DAB1: variants seen among roughly 807,000 people sequenced by gnomAD.
DAB1 encodes disabled homolog 1.
In DAB1, 15 loss-of-function variants were observed where a neutral mutation model predicts 64.6. The observed-to-expected ratio is 0.23, with a 90% CI of 0.16 to 0.36. DAB1 has a LOEUF of 0.36. Ranked by LOEUF, DAB1 falls within the 10% of genes least tolerant of loss-of-function variation. DAB1 has a pLI of 1.00. For synonymous variants in DAB1, 235 were observed against 251.9 expected (o/e 0.93, Z 0.64); for missense variants, 596 against 706.7 (o/e 0.84, Z 1.78).
rs1557427845 is a variant in DAB1, at chr1:57,695,381, A to AAAAGAAAG, written n.552-45717_552-45716insCTTTCTTT. ...AGAAAGAAGAAAGAAAGAAAGAAAG[A>AAAAGAAAG]AAGAAAGAAAGAAAGAAAGAAAGAA... On this transcript the variant is annotated intron_variant and non_coding_transcript_variant, in intron 6 of 20. Transcript: ENST00000485760. Among the ~76,000 whole-genome samples the AAAAGAAAG allele has an allele frequency of 5.5e-4, 43 of 77,508 alleles. 1 individual carries two copies. The highest frequency in any genetic ancestry group is 1.6e-3 in the South Asian group (3 of 1,888). 50.8% of individuals were successfully genotyped at this position (77,508 alleles called of 152,430 possible). A position where few individuals can be genotyped will look rare whatever the true frequency, so the allele number is the denominator to read the frequency against.
chr1:58,195,517 A>T (rs1441748907), intron 4 of DAB1, among the ~76,000 whole-genome samples: 4 of 152,260 alleles, frequency 2.6e-5, no homozygotes, highest in Non-Finnish European at 4.4e-5. Context: ...ACAGACACAC[A>T]GGATAAAGGA....
chr1:57,290,686 C>T (rs938289987), intron 2 of DAB1, among the ~76,000 whole-genome samples: 1 of 152,056 alleles, frequency 6.6e-6, no homozygotes, highest in Non-Finnish European at 1.5e-5. Context: ...ATACGAAACA[C>T]ACAAAATTAC....
At chr1:57,712,559 G>T (rs1223783125) in intron 6 of DAB1, among the ~76,000 whole-genome samples, 1 of 152,112 alleles carries the variant, frequency 6.6e-6, no homozygotes, top group Non-Finnish European at 1.5e-5. Flanking sequence ...AGGATTCAAG[G>T]TTATCTTAAA....
Position 57,166,299 on chromosome 1 carries a change from G to A in DAB1, c.68-20870C>T, listed in dbSNP as rs546884148. On this transcript the variant is annotated intron_variant, in intron 2 of 14. Transcript: ENST00000371236. ...CCAGCTCTCCTTGACTCCAAATAATGTATTTTCCCTACTAGACCATGTCTT... is the reference window on the plus strand; with the variant it reads ...CCAGCTCTCCTTGACTCCAAATAATATATTTTCCCTACTAGACCATGTCTT... Among the ~76,000 whole-genome samples the A allele has an allele frequency of 1.2e-3, 180 of 152,192 alleles. 2 individuals carry two copies. Among genetic ancestry groups the A allele is most frequent in the African/African-American group, 3.9e-3 (162 of 41,540 alleles).
chr1:57,528,765 T>C (rs1558464390), intron 7 of DAB1, among the ~76,000 whole-genome samples: 1 of 73,886 alleles, frequency 1.4e-5, no homozygotes, highest in Non-Finnish European at 2.8e-5. Flanking sequence ...ATGGAAGTAC[T>C]TTAAGGTACT....
chr1:57,458,537 A>G (rs1686678228), intron 7 of DAB1, among the ~76,000 whole-genome samples: 1 of 152,114 alleles, frequency 6.6e-6, no homozygotes, highest in South Asian at 2.1e-4. Context: ...ATTAAATATA[A>G]AGCTCAGAAA....
chr1:58,212,929 T>C (rs965751007), intron 4 of DAB1, among the ~76,000 whole-genome samples: 5 of 152,056 alleles, frequency 3.3e-5, no homozygotes, highest in Non-Finnish European at 7.4e-5. Context: ...CCAACAGAGT[T>C]AAGAAAACCT....
intron 5 of DAB1, among the ~76,000 whole-genome samples, chr1:57,953,814 T>C (rs1216876162): frequency 6.6e-6 from 1 of 152,140 alleles, no homozygotes; most frequent in Non-Finnish European, 1.5e-5. Context: ...GTTCCTGTAA[T>C]AAGGCCACAT....
intron 5 of DAB1, among the ~76,000 whole-genome samples, chr1:58,064,050 A>G (rs1248184782): frequency 4.6e-5 from 7 of 152,198 alleles, no homozygotes; most frequent in Admixed American, 4.6e-4. Context: ...TTCATTTTAA[A>G]TCCTACTCTC....
chr1:57,526,033 G>A (rs1378986518), intron 7 of DAB1, among the ~76,000 whole-genome samples: 1 of 151,594 alleles, frequency 6.6e-6, no homozygotes, highest in Non-Finnish European at 1.5e-5. Flanking sequence ...CGCCTCCTGG[G>A]TTCAAGCAAT....
At chr1:57,573,264 A>G (rs1345314431) in intron 7 of DAB1, among the ~76,000 whole-genome samples, 1 of 151,978 alleles carries the variant, frequency 6.6e-6, no homozygotes, top group African/African-American at 2.4e-5. Context: ...TTTTTAAAAA[A>G]AACTTTACAT....
At chr1:58,078,484 AG>A (rs1392049775) in intron 5 of DAB1, among the ~76,000 whole-genome samples, 2 of 152,224 alleles carry the variant, frequency 1.3e-5, no homozygotes, top group African/African-American at 4.8e-5. Flanking sequence ...GTTTCCAAGA[AG>A]GAAGTTAAAG....
At chr1:57,837,088 C>T (rs781046832) in intron 1 of DAB1, among the ~76,000 whole-genome samples, 4 of 152,168 alleles carry the variant, frequency 2.6e-5, no homozygotes, top group African/African-American at 4.8e-5. Flanking sequence ...TACCCTAGTC[C>T]AAACTGGCAG....
intron 4 of DAB1, among the ~76,000 whole-genome samples, chr1:57,115,084 C>T (rs1655993156): frequency 1.3e-5 from 2 of 152,190 alleles, no homozygotes. Context: ...TCTGCAGCTC[C>T]ACCTCCATCT....
chr1:57,463,063 T>C (rs994259996), intron 7 of DAB1, among the ~76,000 whole-genome samples: 1 of 152,190 alleles, frequency 6.6e-6, no homozygotes, highest in African/African-American at 2.4e-5. Context: ...TTAGCAAACA[T>C]AAAGGTAGCA....
intron 1 of DAB1, among the ~76,000 whole-genome samples, chr1:57,313,919 C>T (rs1674959433): frequency 6.6e-6 from 1 of 152,152 alleles, no homozygotes; most frequent in African/African-American, 2.4e-5. Flanking sequence ...TGAGAAGGTG[C>T]CATCTATGAA....
At chr1:57,467,099 T>C (rs1193900190) in intron 7 of DAB1, among the ~76,000 whole-genome samples, 2 of 152,182 alleles carry the variant, frequency 1.3e-5, no homozygotes, top group Non-Finnish European at 2.9e-5. Context: ...AGTCGTAGAA[T>C]TCTGACTACC....
At chr1:57,579,036 AG>A (rs1391393465) in intron 7 of DAB1, among the ~76,000 whole-genome samples, 2 of 152,214 alleles carry the variant, frequency 1.3e-5, no homozygotes, top group Non-Finnish European at 2.9e-5. Flanking sequence ...TCCAAGAAGC[AG>A]GGGGTCAGAT....
At chr1:57,992,511 C>G (rs12410476) in intron 5 of DAB1, among the ~76,000 whole-genome samples, 1 of 152,056 alleles carries the variant, frequency 6.6e-6, no homozygotes, top group Non-Finnish European at 1.5e-5. Context: ...GCTCCCTGCA[C>G]TTTCTCAGTC....
Sources: gnomAD v4.1 joint callset for allele counts (sites outside exome capture counted in the v4.1 genomes callset) on GRCh38, gnomAD v4.1.1 for gene constraint, MANE v1.5 for transcripts, NCBI Gene and HGNC (gene_info 2026-07-23, HGNC 2026-07-21) for gene names.